Variants in SESTD1 observed in about 807,000 individuals in gnomAD.
SESTD1 encodes SEC14 and spectrin domain containing 1.
In SESTD1, 43 loss-of-function variants were observed where a neutral mutation model predicts 101.7. The observed-to-expected ratio is 0.42, with a 90% confidence interval of 0.33 to 0.55. The LOEUF (loss-of-function observed/expected upper bound fraction) is 0.55. Ranked by LOEUF, SESTD1 falls within the 20% of genes least tolerant of loss-of-function variation. The pLI is 0.07. For missense variants in SESTD1, 647 were observed against 815.1 expected (o/e 0.79, Z 2.51); for synonymous variants, 283 against 286.8 (o/e 0.99, Z 0.13).
rs77651625 is a variant in SESTD1 at position 179,208,837 on chromosome 2, C to T, written c.-25-16971G>A. 5.2e-5 allele frequency among the ~76,000 whole-genome samples: 7 copies of T among 134,506 alleles called. 1 individual carries two copies. Among genetic ancestry groups the T allele is most frequent in the African/African-American group, 2.1e-4 (7 of 34,026 alleles). The allele number at this position is 134,506 out of a possible 152,430, so 88.2% of individuals were successfully genotyped here. On this transcript the variant is annotated intron_variant, in intron 1 of 17. Coordinates refer to ENST00000428443, the MANE Select transcript of SESTD1 (RefSeq NM_178123.5). ...AAAACAAACCAAGGTATTTGGTCAA[C>T]AAATAGCTTGATGAATAGAATAGTA...
chr2:179,156,128 A>G (rs1021346841), intron 5 of SESTD1, among the ~76,000 whole-genome samples: 1 of 150,446 alleles, frequency 6.6e-6, no homozygotes, highest in African/African-American at 2.5e-5. Flanking sequence ...ATATGTGTGT[A>G]TATACGTATA....
intron 4 of SESTD1, among the ~76,000 whole-genome samples, chr2:179,174,717 T>G (rs1178323132): frequency 1.3e-5 from 2 of 152,068 alleles, no homozygotes; most frequent in African/African-American, 4.8e-5. Context: ...TCTCAGCGAT[T>G]TGGGAGGCTG....
intron 2 of SESTD1, among the ~76,000 whole-genome samples, chr2:179,184,481 A>G (rs2046175451): frequency 6.6e-6 from 1 of 152,094 alleles, no homozygotes; most frequent in African/African-American, 2.4e-5. Flanking sequence ...ACAAATTATC[A>G]TCTAAGGTGA....
intron 1 of SESTD1, chr2:179,263,898 A>G (rs2047518405): frequency 6.6e-6 from 1 of 152,346 alleles, no homozygotes; most frequent in Admixed American, 6.5e-5. Flanking sequence ...GGCCCGTGGA[A>G]GCCAAGCCCC....
At chr2:179,187,400 G>A (rs2046249561) in intron 2 of SESTD1, among the ~76,000 whole-genome samples, 1 of 152,174 alleles carries the variant, frequency 6.6e-6, no homozygotes, top group Admixed American at 6.5e-5. Flanking sequence ...TGAGGTAGAA[G>A]GATCACTTGA....
In SESTD1 at chr2:179,209,188, T is replaced by C. The variant is rs566895216; in HGVS notation, c.-25-17322A>G. Among the ~76,000 whole-genome samples, 3 of 134,600 alleles carry C rather than the reference T, an allele frequency of 2.2e-5. 1 individual carries two copies. Among genetic ancestry groups the C allele is most frequent in the African/African-American group, 8.8e-5 (3 of 34,020 alleles). 88.3% of individuals were successfully genotyped at this position (134,600 alleles called of 152,430 possible). A position where few individuals can be genotyped will look rare whatever the true frequency, so the allele number is the denominator to read the frequency against. On this transcript the variant is annotated intron_variant, in intron 1 of 17. Coordinates refer to ENST00000428443, the MANE Select transcript of SESTD1 (RefSeq NM_178123.5). ...GGAAAATATCACCATCCTAAATATA[T>C]ATGCACCTAACAGTGGTGCTCCCAA...
intron 17 of SESTD1, among the ~76,000 whole-genome samples, chr2:179,111,719 CTTTT>C (rs572503441): frequency 1.5e-5 from 2 of 135,346 alleles, no homozygotes; most frequent in Admixed American, 7.4e-5. Flanking sequence ...CCTCCTGATT[CTTTT>C]TTTTTTTTTT....
intron 2 of SESTD1, among the ~76,000 whole-genome samples, chr2:179,189,448 A>G (rs1316269324): frequency 1.3e-5 from 2 of 152,162 alleles, no homozygotes; most frequent in Non-Finnish European, 2.9e-5. Flanking sequence ...CTATAGACAA[A>G]CCCACAGCCA....
At chr2:179,226,348 G>A (rs983582604) in intron 1 of SESTD1, among the ~76,000 whole-genome samples, 7 of 152,130 alleles carry the variant, frequency 4.6e-5, no homozygotes, top group African/African-American at 1.7e-4. Flanking sequence ...AAAGAGGCAG[G>A]CAGGCATGCC....
At chr2:179,110,837 A>G (rs975447608) in intron 17 of SESTD1, among the ~76,000 whole-genome samples, 2 of 152,242 alleles carry the variant, frequency 1.3e-5, no homozygotes, top group African/African-American at 4.8e-5. Context: ...AAAATACCTA[A>G]AAGAGATATA....
rs2044314880 is a variant in SESTD1, at chr2:179,103,430, C to A, written c.*6469G>T. The A allele has an allele frequency of 6.6e-6, 1 of 151,998 alleles. No individual in the cohort carries two copies. Among genetic ancestry groups the A allele is most frequent in the South Asian group, 2.1e-4 (1 of 4,830 alleles). The allele number at this position is 151,998 out of a possible 1,614,324, so 9.4% of individuals were successfully genotyped here. A position where few individuals can be genotyped will look rare whatever the true frequency, so the allele number is the denominator to read the frequency against. On this transcript the variant is annotated 3_prime_UTR_variant, in exon 18 of 18. Transcript: ENST00000428443. ...TACCCTGTGACCCAGCAATTCTAAT[C>A]CAAGGAATTTACTGCAAAGAAATGA...
At chr2:179,249,144 T>A (rs2047276849) in intron 1 of SESTD1, among the ~76,000 whole-genome samples, 1 of 148,208 alleles carries the variant, frequency 6.7e-6, no homozygotes, top group African/African-American at 2.5e-5. Context: ...TTCACCAATC[T>A]TTTCAGTACA....
chr2:179,235,432 T>C (rs1423656420), intron 1 of SESTD1, among the ~76,000 whole-genome samples: 1 of 152,212 alleles, frequency 6.6e-6, no homozygotes, highest in Admixed American at 6.5e-5. Context: ...TCTGAAATTA[T>C]TTCAAAATAA....
Position 179,151,395 on chromosome 2 carries a change from T to C in SESTD1, c.370-4A>G, listed in dbSNP as rs766111151. On this transcript the variant is annotated splice_region_variant and splice_polypyrimidine_tract_variant and intron_variant, in intron 5 of 17. Transcript: ENST00000428443. The stretch of plus-strand genomic sequence containing the variant: ...TGTTGGCGGACACTAAAATAACCTA[T>C]AAAAAGGTTAAAAGAAAAGAAACAT... 6.3e-7 allele frequency: 1 copy of C among 1,580,128 alleles called. No homozygotes were observed. The highest frequency in any genetic ancestry group is 8.6e-7 in the Non-Finnish European group (1 of 1,166,408).
intron 1 of SESTD1, among the ~76,000 whole-genome samples, chr2:179,235,827 T>C (rs943491840): frequency 2.6e-5 from 4 of 152,208 alleles, no homozygotes; most frequent in Non-Finnish European, 5.9e-5. Context: ...GTTTTTCTCA[T>C]TAGCAAGAAA....
rs543611872 is a variant in SESTD1 at position 179,251,445 on chromosome 2, A to G, written c.-26+13054T>C. On this transcript the variant is annotated intron_variant, in intron 1 of 17. Transcript: ENST00000428443. ...GGTGGATGAAGATTTATTAGTTACCATATGTGGAATGATTAAGGAGGGCCA... is the reference window on the plus strand; with the variant it reads ...GGTGGATGAAGATTTATTAGTTACCGTATGTGGAATGATTAAGGAGGGCCA... 1.9e-4 allele frequency among the ~76,000 whole-genome samples: 29 copies of G among 152,342 alleles called. No individual in the cohort carries two copies. In the South Asian group the frequency reaches 4.1e-3, roughly 22 times the overall value.
intron 1 of SESTD1, among the ~76,000 whole-genome samples, chr2:179,240,525 C>G (rs2047136188): frequency 6.6e-6 from 1 of 152,062 alleles, no homozygotes; most frequent in Admixed American, 6.6e-5. Context: ...AGACTTGCAG[C>G]TGTAAAACCG....
At position 179,170,507 on chromosome 2, in the gene SESTD1, C is replaced by G. The variant is rs753697495; in HGVS notation, c.369+1613G>C. Among the ~76,000 whole-genome samples the G allele has an allele frequency of 5.9e-4, 90 of 152,018 alleles. 1 individual carries two copies. Among genetic ancestry groups the G allele is most frequent in the Non-Finnish European group, 2.6e-4 (18 of 68,010 alleles). Reference sequence around the variant, plus strand: ...GTTCCTGGCACAGAACTCCTGAAACCCTTGTAATTCCTAGGTGACAGGAGC... The same window carrying G: ...GTTCCTGGCACAGAACTCCTGAAACGCTTGTAATTCCTAGGTGACAGGAGC... On this transcript the variant is annotated intron_variant, in intron 5 of 17. Transcript: ENST00000428443.
At chr2:179,119,682 G>A (rs2044705884) in intron 13 of SESTD1, among the ~76,000 whole-genome samples, 1 of 152,172 alleles carries the variant, frequency 6.6e-6, no homozygotes, top group Admixed American at 6.5e-5. Context: ...GGGCCTGGTG[G>A]GAGATGACTG....
Sources: allele counts gnomAD v4.1 joint callset (sites outside exome capture counted in the v4.1 genomes callset), GRCh38; gene constraint gnomAD v4.1.1; transcripts MANE v1.5; gene names NCBI Gene and HGNC (gene_info 2026-07-23, HGNC 2026-07-21).